Variants in SNTG1 observed in about 807,000 individuals in gnomAD.
The protein encoded by SNTG1 is syntrophin gamma 1, also known as gamma-1-syntrophin.
In SNTG1, 39 loss-of-function variants were observed where a neutral mutation model predicts 74.7. The ratio of observed to expected loss-of-function variants is 0.52; its 90% confidence interval spans 0.40 to 0.68. SNTG1 has a LOEUF of 0.68. Among genes scored for constraint, SNTG1 ranks in the 30% least tolerant of loss-of-function variants. The pLI, the probability that SNTG1 is intolerant of heterozygous loss-of-function variation, is 0.00. For synonymous variants in SNTG1, 254 were observed against 217.1 expected (o/e 1.17, Z -1.49); for missense variants, 685 against 609.5 (o/e 1.12, Z -1.30).
chr8:50,711,429 G>T (rs146046808), intron 17 of SNTG1, among the ~76,000 whole-genome samples: 26 of 152,218 alleles, frequency 1.7e-4, no homozygotes, highest in African/African-American at 6.0e-4. Context: ...CAAACCAAAG[G>T]TCTTGAAATA....
chr8:50,220,805 T>C (rs2085027295), intron 2 of SNTG1, among the ~76,000 whole-genome samples: 1 of 152,214 alleles, frequency 6.6e-6, no homozygotes. Context: ...TGAAGACTTC[T>C]ATTTCCCAAT....
chr8:50,313,969 A>G (rs556454463), intron 2 of SNTG1, among the ~76,000 whole-genome samples: 1 of 149,962 alleles, frequency 6.7e-6, no homozygotes, highest in Non-Finnish European at 1.5e-5. Context: ...AATTATTGAT[A>G]AAAGATTTAT....
intron 12 of SNTG1, among the ~76,000 whole-genome samples, chr8:50,555,421 A>G (rs1481481): frequency 0.86 from 130,707 of 152,226 alleles, 56,290 homozygotes; most frequent in East Asian, 0.94. Flanking sequence ...CATTGATTTC[A>G]GAGAAGGCAG....
chr8:50,409,396 C>T (rs10504107), intron 4 of SNTG1, among the ~76,000 whole-genome samples: 10,582 of 152,168 alleles, frequency 0.07, 404 homozygotes, highest in Middle Eastern at 0.12. Flanking sequence ...TCAGAGATTA[C>T]ACAGTTGAAG....
chr8:50,217,873 A>C (rs1193809036), intron 2 of SNTG1, among the ~76,000 whole-genome samples: 1 of 152,160 alleles, frequency 6.6e-6, no homozygotes, highest in Non-Finnish European at 1.5e-5. Flanking sequence ...AGGAGGAAAG[A>C]CTGTAGACTG....
At chr8:50,179,311 C>T (rs2083115252) in intron 2 of SNTG1, among the ~76,000 whole-genome samples, 2 of 152,112 alleles carry the variant, frequency 1.3e-5, no homozygotes, top group Non-Finnish European at 2.9e-5. Flanking sequence ...TCCCATATAA[C>T]TTTAGAATGT....
chr8:50,737,544 C>A (rs1010715199), intron 17 of SNTG1, among the ~76,000 whole-genome samples: 1 of 152,100 alleles, frequency 6.6e-6, no homozygotes, highest in Admixed American at 6.6e-5. Flanking sequence ...AGGGACTCCT[C>A]CCTAACTCAT....
At chr8:49,921,044 T>A (rs1252870993) in intron 1 of SNTG1, among the ~76,000 whole-genome samples, 2 of 152,036 alleles carry the variant, frequency 1.3e-5, no homozygotes, top group Non-Finnish European at 2.9e-5. Context: ...AACAACCAAA[T>A]GCAGGTGAAG....
intron 2 of SNTG1, among the ~76,000 whole-genome samples, chr8:50,241,661 G>A (rs556797186): frequency 6.6e-6 from 1 of 152,290 alleles, no homozygotes; most frequent in South Asian, 2.1e-4. Flanking sequence ...GAAGAGAAGA[G>A]TAAGGTGATG....
intron 1 of SNTG1, among the ~76,000 whole-genome samples, chr8:49,973,814 T>C (rs1191226278): frequency 6.6e-6 from 1 of 152,246 alleles, no homozygotes; most frequent in African/African-American, 2.4e-5. Context: ...TAAATTTGGA[T>C]ACCATTTGAT....
At chr8:49,924,730 T>C (rs902267489) in intron 1 of SNTG1, among the ~76,000 whole-genome samples, 2 of 151,738 alleles carry the variant, frequency 1.3e-5, no homozygotes, top group African/African-American at 4.8e-5. Context: ...AATGGGTACC[T>C]CTGTATGTAA....
At chr8:50,558,238 G>A (rs1177418469) in intron 12 of SNTG1, among the ~76,000 whole-genome samples, 7 of 152,194 alleles carry the variant, frequency 4.6e-5, no homozygotes, top group Admixed American at 3.9e-4. Flanking sequence ...CAGGCTCCAT[G>A]GCAGCAGCTG....
rs564963431 is a variant in SNTG1 at position 50,441,450 on chromosome 8, T to C, written c.219+2851T>C. Among the ~76,000 whole-genome samples the C allele has an allele frequency of 8.5e-5, 13 of 152,264 alleles. No homozygotes were observed. The South Asian group carries it at 2.5e-3, about 29-fold the overall frequency. On this transcript the variant is annotated intron_variant, in intron 5 of 18. Transcript: ENST00000642720. ...TACGGCTTAATTCTAGGACTTTAAC[T>C]CTTCCCTTGATGTACTAATGCTAGA...
At chr8:50,350,209 G>T (rs539932289) in intron 2 of SNTG1, among the ~76,000 whole-genome samples, 1 of 152,000 alleles carries the variant, frequency 6.6e-6, no homozygotes, top group Non-Finnish European at 1.5e-5. Flanking sequence ...CCCCCACCCC[G>T]TGGGCTCCTG....
intron 2 of SNTG1, among the ~76,000 whole-genome samples, chr8:50,343,357 A>T (rs2091376634): frequency 6.6e-6 from 1 of 152,212 alleles, no homozygotes. Flanking sequence ...GTGTCAGAGG[A>T]CTCACTTGAG....
chr8:50,331,698 T>C (rs919434264), intron 2 of SNTG1, among the ~76,000 whole-genome samples: 2 of 152,128 alleles, frequency 1.3e-5, no homozygotes, highest in African/African-American at 2.4e-5. Flanking sequence ...TTGAATCACA[T>C]GGTGCTTGCT....
intron 3 of SNTG1, among the ~76,000 whole-genome samples, chr8:50,395,587 T>C (rs2092718429): frequency 6.8e-6 from 1 of 147,746 alleles, no homozygotes; most frequent in Non-Finnish European, 1.5e-5. Flanking sequence ...CACTGCAAGC[T>C]CTGCCTCCTG....
At chr8:50,750,845 T>C (rs554694598) in intron 17 of SNTG1, among the ~76,000 whole-genome samples, 8 of 152,150 alleles carry the variant, frequency 5.3e-5, no homozygotes, top group Non-Finnish European at 1.2e-4. Context: ...TTCATTGCAA[T>C]ACTTGCTGTT....
rs531763522 is a variant in SNTG1, at chr8:49,931,761, T to C, written c.-103+19530T>C. The stretch of plus-strand genomic sequence containing the variant: ...ATATGAATGAATGTCGCAATCACAA[T>C]ACTGAGTGAATACAACAAGATACAA... On this transcript the variant is annotated intron_variant, in intron 1 of 18. Coordinates refer to ENST00000642720, the MANE Select transcript of SNTG1 (RefSeq NM_018967.5). Among the ~76,000 whole-genome samples, 6 of 152,294 alleles carry C rather than the reference T, an allele frequency of 3.9e-5. No individual in the cohort carries two copies. The East Asian group carries it at 1.2e-3, about 29-fold the overall frequency.
Sources: allele counts gnomAD v4.1 joint callset (sites outside exome capture counted in the v4.1 genomes callset), GRCh38; gene constraint gnomAD v4.1.1; transcripts MANE v1.5; gene names NCBI Gene and HGNC (gene_info 2026-07-23, HGNC 2026-07-21).